The following SLC9A9 variants were observed in gnomAD, a reference collection of about 807,000 sequenced individuals.
The protein encoded by SLC9A9 is sodium/hydrogen exchanger 9.
SLC9A9 carries 62 observed loss-of-function variants against 77.8 expected under a neutral mutation model. That is an observed-to-expected ratio of 0.80 (90% CI 0.65 to 0.98). SLC9A9 has a LOEUF of 0.98. Ranked by LOEUF, SLC9A9 falls within the 50% of genes least tolerant of loss-of-function variation. The pLI, the probability that SLC9A9 is intolerant of heterozygous loss-of-function variation, is 0.00. For synonymous variants in SLC9A9, 320 were observed against 283.5 expected (o/e 1.13, Z -1.29); for missense variants, 775 against 774.9 (o/e 1.00, Z 0.00).
At chr3:143,309,356 C>T (rs1415847433) in intron 14 of SLC9A9, among the ~76,000 whole-genome samples, 1 of 150,010 alleles carries the variant, frequency 6.7e-6, no homozygotes, top group African/African-American at 2.5e-5. Flanking sequence ...CACAGCGTAC[C>T]TTTATGATTG....
chr3:143,848,208 A>G lies in SLC9A9; in HGVS notation c.115T>C (p.Trp39Arg). The G allele has an allele frequency of 1.9e-6, 3 of 1,614,070 alleles. No homozygotes were observed. The highest frequency in any genetic ancestry group is 2.5e-6 in the Non-Finnish European group (3 of 1,179,938). ...FLLILTILTIWLFKNHRFRFL... is the reference protein window; with the variant it reads ...FLLILTILTIRLFKNHRFRFL... ...CGGAATCGATGATTTTTAAATAACC[A>G]GATTGTCAAAATGGTAAGGATGAGC... Residue 39 changes from tryptophan (W) to arginine (R), a missense_variant, in exon 1 of 16, where the codon TGG (tryptophan) becomes CGG (arginine). By Grantham distance (101) the Trp-to-Arg change is moderately radical. Transcript: ENST00000316549.
chr3:143,543,973 G>A (rs898499923), intron 9 of SLC9A9, among the ~76,000 whole-genome samples: 10 of 152,140 alleles, frequency 6.6e-5, no homozygotes, highest in Non-Finnish European at 1.0e-4. Flanking sequence ...TTTCCATGGT[G>A]GCTGAACTAA....
rs765661801 is a variant in SLC9A9, at chr3:143,552,458, TAAA to T, written c.1001-11_1001-9del. On this transcript the variant is annotated splice_polypyrimidine_tract_variant and intron_variant, in intron 8 of 15. Transcript: ENST00000316549. ...AGAGAACAGCAACTATCCCTGAAAT[TAAA>T]AAAACAGATCAGTCAAAACCAATTT... 2.5e-6 allele frequency: 4 copies of T among 1,611,724 alleles called. No homozygotes were observed. The East Asian group carries it at 8.9e-5, about 36-fold the overall frequency.
intron 4 of SLC9A9, chr3:143,697,993 T>C (rs1933690283): frequency 6.6e-6 from 1 of 152,218 alleles, no homozygotes; most frequent in Admixed American, 6.5e-5. Flanking sequence ...TGTTGGCACA[T>C]TATTAATAAA....
intron 9 of SLC9A9, among the ~76,000 whole-genome samples, chr3:143,510,811 G>A (rs747279504): frequency 2.0e-5 from 3 of 152,138 alleles, no homozygotes; most frequent in Non-Finnish European, 4.4e-5. Context: ...GGTCAAACTT[G>A]TTAGGCAAGG....
intron 6 of SLC9A9, among the ~76,000 whole-genome samples, chr3:143,624,973 GACAA>G (rs1381930710): frequency 1.3e-4 from 20 of 152,056 alleles, no homozygotes; most frequent in African/African-American, 4.1e-4. Context: ...ACCAATAACA[GACAA>G]ACAGAGAGCC....
rs149540948 is a variant in SLC9A9, at chr3:143,544,277, A to C, written c.1089+8085T>G. Among the ~76,000 whole-genome samples the C allele has an allele frequency of 9.5e-3, 1,450 of 152,072 alleles. 27 individuals carry two copies. The highest frequency in any genetic ancestry group is 0.033 in the African/African-American group (1,375 of 41,470). ...AGGCTCGCTCTGTCGCCCAGGCTGG[A>C]GTGCAGTGGTGCGATCTCGGTTCAC... On this transcript the variant is annotated intron_variant, in intron 9 of 15. Coordinates refer to ENST00000316549, the MANE Select transcript of SLC9A9 (RefSeq NM_173653.4).
chr3:143,832,713 CTTT>C (rs11425360), intron 1 of SLC9A9, among the ~76,000 whole-genome samples: 63 of 141,714 alleles, frequency 4.4e-4, no homozygotes, highest in African/African-American at 1.4e-3. Context: ...CAATATAGTT[CTTT>C]TTTTTTTTTT....
chr3:143,566,736 G>C (rs1402357442), intron 8 of SLC9A9, among the ~76,000 whole-genome samples: 34 of 152,066 alleles, frequency 2.2e-4, no homozygotes, highest in Admixed American at 2.2e-3. Context: ...GTCTTTATTA[G>C]AGCAATGCCT....
At chr3:143,283,750 T>G (rs1300804060) in intron 14 of SLC9A9, among the ~76,000 whole-genome samples, 2 of 152,218 alleles carry the variant, frequency 1.3e-5, no homozygotes, top group Non-Finnish European at 2.9e-5. Flanking sequence ...TTGGGGTGAA[T>G]TATGAGTGCA....
At chr3:143,719,768 A>G (rs1231880612) in intron 4 of SLC9A9, among the ~76,000 whole-genome samples, 3 of 152,142 alleles carry the variant, frequency 2.0e-5, no homozygotes, top group Admixed American at 2.0e-4. Flanking sequence ...TAAACTTTCC[A>G]ATTTAAATAT....
intron 13 of SLC9A9, among the ~76,000 whole-genome samples, chr3:143,367,746 C>T (rs1040157573): frequency 9.9e-5 from 15 of 152,166 alleles, no homozygotes; most frequent in African/African-American, 3.6e-4. Flanking sequence ...TCAGCTCACA[C>T]CTCAAGGACA....
chr3:143,842,556 G>A (rs922835658), intron 1 of SLC9A9, among the ~76,000 whole-genome samples: 4 of 152,208 alleles, frequency 2.6e-5, no homozygotes, highest in African/African-American at 9.6e-5. Context: ...CCAAAAGGGA[G>A]AAGAAGTTTA....
chr3:143,575,560 T>G (rs958434479), intron 7 of SLC9A9, among the ~76,000 whole-genome samples: 8 of 152,176 alleles, frequency 5.3e-5, no homozygotes, highest in Non-Finnish European at 1.2e-4. Flanking sequence ...AGTAAGGATC[T>G]GGAAGCAATT....
At chr3:143,446,588 C>T (rs2034847472) in intron 12 of SLC9A9, among the ~76,000 whole-genome samples, 2 of 152,192 alleles carry the variant, frequency 1.3e-5, no homozygotes, top group South Asian at 4.2e-4. Flanking sequence ...CTCACTTTTA[C>T]CCTCAGGAGT....
intron 12 of SLC9A9, among the ~76,000 whole-genome samples, chr3:143,432,141 T>C (rs2034528725): frequency 6.6e-6 from 1 of 152,230 alleles, no homozygotes; most frequent in Admixed American, 6.5e-5. Flanking sequence ...TATTTTCTCT[T>C]GCCAAAATGA....
intron 6 of SLC9A9, among the ~76,000 whole-genome samples, chr3:143,624,438 C>T (rs1220712789): frequency 6.6e-6 from 1 of 152,192 alleles, no homozygotes; most frequent in Non-Finnish European, 1.5e-5. Flanking sequence ...GGCTTCATCC[C>T]TGGGATGCAA....
At chr3:143,377,983 C>A (rs2033219064) in intron 13 of SLC9A9, among the ~76,000 whole-genome samples, 1 of 152,216 alleles carries the variant, frequency 6.6e-6, no homozygotes, top group Non-Finnish European at 1.5e-5. Flanking sequence ...GCCAGACTAC[C>A]TCTCCTCAAC....
chr3:143,820,907 ATT>A (rs36029573), intron 2 of SLC9A9, among the ~76,000 whole-genome samples: 10 of 142,164 alleles, frequency 7.0e-5, no homozygotes, highest in African/African-American at 1.3e-4. Flanking sequence ...TCTTTGTCTT[ATT>A]TTTTTTTTTT....
Sources: gnomAD v4.1 joint callset for allele counts (sites outside exome capture counted in the v4.1 genomes callset) on GRCh38, gnomAD v4.1.1 for gene constraint, MANE v1.5 for transcripts, NCBI Gene and HGNC (gene_info 2026-07-23, HGNC 2026-07-21) for gene names.